MGMT: variants seen among roughly 807,000 people sequenced by gnomAD.
MGMT encodes methylated-DNA--protein-cysteine methyltransferase.
In MGMT, 14 loss-of-function variants were observed where a neutral mutation model predicts 15.9. The ratio of observed to expected loss-of-function variants is 0.88; its 90% CI spans 0.58 to 1.37. MGMT has a LOEUF of 1.37. Among genes scored for constraint, MGMT ranks in the 40% most tolerant of loss-of-function variants. The pLI is 0.00. For synonymous variants in MGMT, 130 were observed against 118.2 expected, an observed-to-expected ratio of 1.10 and a Z score of -0.65; for missense variants, 282 against 268.1, an observed-to-expected ratio of 1.05 and a Z score of -0.36.
intron 1 of MGMT, among the ~76,000 whole-genome samples, chr10:129,489,359 CAAAAAAAAAAA>C (rs34274988): frequency 1.4e-3 from 78 of 57,366 alleles, no homozygotes; most frequent in Admixed American, 3.5e-3. Flanking sequence ...GACTCTGTCT[CAAAAAAAAAAA>C]AAAAAAAAAA....
chr10:129,536,173 T>C, intron 1 of MGMT, 68 bp from the exon 2 acceptor site: 1 of 1,532,614 alleles, frequency 6.5e-7, no homozygotes, highest in East Asian at 2.3e-5. Context: ...CCAGTACTTC[T>C]GTTGTGTGTT....
intron 1 of MGMT, among the ~76,000 whole-genome samples, chr10:129,493,446 A>T (rs1436701526): frequency 6.6e-6 from 1 of 152,190 alleles, no homozygotes; most frequent in Non-Finnish European, 1.5e-5. Flanking sequence ...TAGAGAGGCC[A>T]TTCAGGAAAC....
chr10:129,715,961 T>C (rs929501007), intron 3 of MGMT, among the ~76,000 whole-genome samples: 8 of 152,166 alleles, frequency 5.3e-5, no homozygotes, highest in Non-Finnish European at 1.0e-4. Context: ...TAGAGGGAAC[T>C]CCTCCCTCCT....
rs1316902847 is a variant in MGMT at position 129,556,433 on chromosome 10, G to A, written c.125+20056G>A. On this transcript the variant is annotated intron_variant, in intron 2 of 4. Transcript: ENST00000651593. This position sits in a 1 kb window ranked among gnomAD's most constrained non-coding sequence, Gnocchi z 4.3. ...GGACCCTGGGAGAAGGCTGCCTTCT[G>A]CAAGCCAAGGAGAGAGCGCCTTGGA... Among the ~76,000 whole-genome samples the A allele has an allele frequency of 6.6e-6, 1 of 152,128 alleles. No homozygotes were observed. The highest frequency in any genetic ancestry group is 1.9e-4 in the East Asian group (1 of 5,170).
intron 2 of MGMT, among the ~76,000 whole-genome samples, chr10:129,658,180 C>T (rs1847554006): frequency 6.6e-6 from 1 of 152,190 alleles, no homozygotes; most frequent in African/African-American, 2.4e-5. Context: ...GGAAGACGGG[C>T]TTCTGGCTCC....
intron 4 of MGMT, among the ~76,000 whole-genome samples, chr10:129,762,234 G>A (rs1228365477): frequency 6.6e-6 from 1 of 150,884 alleles, no homozygotes; most frequent in Non-Finnish European, 1.5e-5. Context: ...AGGATGAATA[G>A]AGTGATTGTG....
At chr10:129,636,835 A>G (rs1173351040) in intron 2 of MGMT, among the ~76,000 whole-genome samples, 1 of 152,244 alleles carries the variant, frequency 6.6e-6, no homozygotes, top group Non-Finnish European at 1.5e-5. Flanking sequence ...CAATTGAAAA[A>G]TAGTCTACAA....
chr10:129,616,406 G>T (rs1355512332), intron 2 of MGMT, among the ~76,000 whole-genome samples: 14 of 152,178 alleles, frequency 9.2e-5, no homozygotes, highest in Non-Finnish European at 2.1e-4. Context: ...TGCTGAAGGG[G>T]AAGCGAGGGC....
intron 2 of MGMT, among the ~76,000 whole-genome samples, chr10:129,571,172 G>A (rs1002782586): frequency 6.6e-6 from 1 of 152,114 alleles, no homozygotes; most frequent in East Asian, 1.9e-4. Flanking sequence ...AAAAAATGAA[G>A]GATCCTAATA....
intron 3 of MGMT, among the ~76,000 whole-genome samples, chr10:129,758,331 TGCCCCTGGAGGGGCTGGA>T (rs1848830586): frequency 1.3e-5 from 2 of 152,194 alleles, no homozygotes; most frequent in African/African-American, 4.8e-5. Flanking sequence ...CAGAAACTCC[TGCCCCTGGAGGGGCTGGA>T]GCCCCTGCGA....
intron 2 of MGMT, among the ~76,000 whole-genome samples, chr10:129,632,431 G>A (rs1169725565): frequency 2.0e-5 from 3 of 152,132 alleles, no homozygotes; most frequent in African/African-American, 7.2e-5. Flanking sequence ...GGGGCCCAGC[G>A]AGACTGAAGC....
intron 2 of MGMT, among the ~76,000 whole-genome samples, chr10:129,558,617 C>CT (rs1846241991): frequency 6.6e-6 from 1 of 152,052 alleles, no homozygotes; most frequent in Non-Finnish European, 1.5e-5. Context: ...CTCCCATTGG[C>CT]TTTTTCTGGA....
chr10:129,728,015 A>G (rs1286092497), intron 3 of MGMT, among the ~76,000 whole-genome samples: 1 of 152,150 alleles, frequency 6.6e-6, no homozygotes, highest in Non-Finnish European at 1.5e-5. Flanking sequence ...CTCCAGGCCA[A>G]GAAGGCCATC....
rs1848965971 is a variant in MGMT, at chr10:129,768,666, G to A, written c.*1669G>A. On this transcript the variant is annotated 3_prime_UTR_variant, in exon 5 of 5. Transcript: ENST00000651593. ...AAGCTTCTGGCTCTCCAAGGCAGCA[G>A]CTTGGGGCCTGGTGGCCCGGGTGTG... 6.6e-6 allele frequency among the ~76,000 whole-genome samples: 1 copy of A among 152,266 alleles called. No homozygotes were observed.
chr10:129,749,811 C>T (rs1019054780), intron 3 of MGMT, among the ~76,000 whole-genome samples: 10 of 152,238 alleles, frequency 6.6e-5, no homozygotes, highest in African/African-American at 2.2e-4. Context: ...GATTTTTAGC[C>T]ATTCTAAAAG....
chr10:129,703,541 G>A (rs953026012), intron 2 of MGMT, among the ~76,000 whole-genome samples: 4 of 152,100 alleles, frequency 2.6e-5, no homozygotes, highest in African/African-American at 9.7e-5. Context: ...GCCAGACCCC[G>A]CTAGTCCTGA....
chr10:129,764,647 C>A lies in MGMT; in HGVS notation c.415-2141C>A, dbSNP rs1009727730. On this transcript the variant is annotated intron_variant, in intron 4 of 4. Coordinates refer to ENST00000651593, the MANE Select transcript of MGMT (RefSeq NM_002412.5). ...GGGGAAGCTGGGCATGGGCAGAAAT[C>A]ATTTCTCTGTTGAGCTGGGGATACG... Among the ~76,000 whole-genome samples the A allele has an allele frequency of 3.3e-5, 5 of 152,214 alleles. No homozygotes were observed. In the South Asian group the frequency reaches 6.2e-4, roughly 19 times the overall value.
At chr10:129,482,379 CTG>C (rs970580531) in intron 1 of MGMT, among the ~76,000 whole-genome samples, 3 of 152,216 alleles carry the variant, frequency 2.0e-5, no homozygotes, top group Non-Finnish European at 4.4e-5. Context: ...AGTGTATACT[CTG>C]TGGTTCTTGG....
intron 2 of MGMT, among the ~76,000 whole-genome samples, chr10:129,543,956 T>C (rs1400388608): frequency 6.6e-6 from 1 of 152,234 alleles, no homozygotes; most frequent in South Asian, 2.1e-4. Context: ...AAGAGCACTT[T>C]AGAGTAACAG....
Sources: allele counts gnomAD v4.1 joint callset (sites outside exome capture counted in the v4.1 genomes callset), GRCh38; gene constraint gnomAD v4.1.1; non-coding constraint Gnocchi (gnomAD v3.1); transcripts MANE v1.5; gene names NCBI Gene and HGNC (gene_info 2026-07-23, HGNC 2026-07-21).